Variants in CSMD1 observed in about 807,000 individuals in gnomAD.
CSMD1 encodes CUB and sushi domain-containing protein 1.
In CSMD1, 213 loss-of-function variants were observed where a neutral mutation model predicts 417.5. That is an observed-to-expected ratio of 0.51 (90% CI 0.46 to 0.57). The LOEUF (loss-of-function observed/expected upper bound fraction) is 0.57, where lower values mean the gene tolerates loss of function less well. CSMD1 is among the 20% of genes least tolerant of loss of function. The pLI is 0.00. For missense variants in CSMD1, 6,923 were observed against 4,529.7 expected (o/e 1.53, Z -15.17); for synonymous variants, 2,862 against 1,736.8 (o/e 1.65, Z -16.11).
chr8:4,783,507 G>T (rs985180250), intron 1 of CSMD1, among the ~76,000 whole-genome samples: 1 of 152,184 alleles, frequency 6.6e-6, no homozygotes, highest in Non-Finnish European at 1.5e-5. Context: ...ATTAAATAAA[G>T]AAAAACATTA....
intron 10 of CSMD1, chr8:3,515,468 A>T (rs1797246465): frequency 6.6e-6 from 1 of 151,666 alleles, no homozygotes; most frequent in Non-Finnish European, 1.5e-5. Context: ...GAATACACAC[A>T]ATTATTTCCT....
At chr8:4,170,281 C>T (rs895632858) in intron 3 of CSMD1, among the ~76,000 whole-genome samples, 2 of 151,768 alleles carry the variant, frequency 1.3e-5, no homozygotes, top group Admixed American at 1.3e-4. Context: ...TGGGTAGAGT[C>T]TATGAATTTA....
chr8:3,526,784 T>C (rs1469292495), intron 10 of CSMD1, among the ~76,000 whole-genome samples: 1 of 152,230 alleles, frequency 6.6e-6, no homozygotes, highest in Non-Finnish European at 1.5e-5. Context: ...CACTTCCTAG[T>C]ATTTGCAGCA....
intron 2 of CSMD1, among the ~76,000 whole-genome samples, chr8:4,613,847 G>C (rs986524977): frequency 1.4e-5 from 2 of 138,272 alleles, no homozygotes; most frequent in African/African-American, 5.7e-5. Flanking sequence ...GAAAGCAGAA[G>C]GCTGTCTAAT....
intron 3 of CSMD1, among the ~76,000 whole-genome samples, chr8:4,259,710 A>G (rs1289753212): frequency 6.6e-6 from 1 of 152,184 alleles, no homozygotes; most frequent in East Asian, 1.9e-4. Flanking sequence ...ACACATTTCA[A>G]TAATTTTGCC....
At chr8:4,577,543 C>T (rs1799196391) in intron 2 of CSMD1, among the ~76,000 whole-genome samples, 1 of 152,146 alleles carries the variant, frequency 6.6e-6, no homozygotes, top group Non-Finnish European at 1.5e-5. Flanking sequence ...CCAGTGTGGC[C>T]CACGGCATCC....
intron 10 of CSMD1, among the ~76,000 whole-genome samples, chr8:3,525,935 A>G (rs989833857): frequency 4.6e-5 from 7 of 152,200 alleles, no homozygotes; most frequent in Non-Finnish European, 8.8e-5. Flanking sequence ...TATTACATGC[A>G]TTGTTCTTAA....
chr8:4,631,320 C>T (rs773523869), intron 2 of CSMD1, among the ~76,000 whole-genome samples: 14 of 152,008 alleles, frequency 9.2e-5, no homozygotes, highest in African/African-American at 2.4e-4. Context: ...TGAGATCCTG[C>T]CACCACGCTC....
intron 1 of CSMD1, among the ~76,000 whole-genome samples, chr8:4,666,109 G>T (rs1354759184): frequency 1.3e-5 from 2 of 150,834 alleles, no homozygotes; most frequent in African/African-American, 5.0e-5. Flanking sequence ...TGTGGTGACT[G>T]GGGGGCGCTG....
chr8:3,188,789 G>A (rs946174904), intron 35 of CSMD1, 98 bp downstream of exon 35: 64 of 1,058,278 alleles, frequency 6.0e-5, no homozygotes, highest in Admixed American at 2.9e-4. Flanking sequence ...GAGGGAGAGA[G>A]AGAGAGATGG....
chr8:4,521,511 G>A lies in CSMD1; in HGVS notation c.303-101446C>T, dbSNP rs141073444. Among the ~76,000 whole-genome samples, 1,128 of 152,256 alleles carry A rather than the reference G, an allele frequency of 7.4e-3. 14 individuals are homozygous for A. Among genetic ancestry groups the A allele is most frequent in the African/African-American group, 0.026 (1,077 of 41,542 alleles). ...GAAAATTCTACTTCGAAGATTTAAT[G>A]AATGAATGTTTCCTTCTTGTCTACT... On this transcript the variant is annotated intron_variant, in intron 2 of 69. Coordinates refer to ENST00000635120, the MANE Select transcript of CSMD1 (RefSeq NM_033225.6).
intron 26 of CSMD1, among the ~76,000 whole-genome samples, chr8:3,265,116 G>C (rs1485244832): frequency 6.6e-6 from 1 of 152,102 alleles, no homozygotes; most frequent in Non-Finnish European, 1.5e-5. Flanking sequence ...CCATGTTAAG[G>C]ATTGTCACTA....
At chr8:3,540,101 C>T (rs1798375610) in intron 10 of CSMD1, among the ~76,000 whole-genome samples, 1 of 152,100 alleles carries the variant, frequency 6.6e-6, no homozygotes, top group Non-Finnish European at 1.5e-5. Context: ...ATTCTAGTTG[C>T]TTGTAGACTT....
At chr8:4,357,605 C>A (rs11136732) in intron 3 of CSMD1, among the ~76,000 whole-genome samples, 142,755 of 152,248 alleles carry the variant, frequency 0.94, 67,058 homozygotes, top group East Asian at 1. Flanking sequence ...CTTTAGGATA[C>A]AAATAAATAG....
At chr8:4,133,750 T>C (rs942571755) in intron 3 of CSMD1, among the ~76,000 whole-genome samples, 1 of 152,192 alleles carries the variant, frequency 6.6e-6, no homozygotes, top group Non-Finnish European at 1.5e-5. Flanking sequence ...TTTTTATTAT[T>C]TTATATCCCT....
chr8:4,636,459 G>C (rs1436036271), intron 2 of CSMD1, among the ~76,000 whole-genome samples: 1 of 152,148 alleles, frequency 6.6e-6, no homozygotes, highest in Non-Finnish European at 1.5e-5. Context: ...AGCCCTGAAT[G>C]TTGTTCCCTC....
intron 6 of CSMD1, among the ~76,000 whole-genome samples, chr8:3,746,157 G>C (rs1010430544): frequency 2.0e-5 from 3 of 152,212 alleles, no homozygotes; most frequent in Non-Finnish European, 4.4e-5. Context: ...AAGAATAAGA[G>C]CAGCTCAGGG....
chr8:3,497,812 G>A (rs1243393332), intron 10 of CSMD1, among the ~76,000 whole-genome samples: 1 of 152,064 alleles, frequency 6.6e-6, no homozygotes, highest in Admixed American at 6.5e-5. Context: ...TTCTCTTCTT[G>A]GTTATTTTTG....
At chr8:3,094,043 T>A (rs1408610870) in intron 47 of CSMD1, among the ~76,000 whole-genome samples, 1 of 152,206 alleles carries the variant, frequency 6.6e-6, no homozygotes, top group African/African-American at 2.4e-5. Context: ...TATTTTGAAA[T>A]GTCATTTTTA....
Sources: gnomAD v4.1 joint callset for allele counts (sites outside exome capture counted in the v4.1 genomes callset) on GRCh38, gnomAD v4.1.1 for gene constraint, MANE v1.5 for transcripts, NCBI Gene and HGNC (gene_info 2026-07-23, HGNC 2026-07-21) for gene names.